Variants in EIF2AK1 observed in about 807,000 individuals in gnomAD.
The protein encoded by EIF2AK1 is eukaryotic translation initiation factor 2-alpha kinase 1.
EIF2AK1 carries 54 observed loss-of-function variants against 77.9 expected under a neutral mutation model. That is an observed-to-expected ratio of 0.69 (90% CI 0.56 to 0.87). EIF2AK1 has a LOEUF of 0.87. Among genes scored for constraint, EIF2AK1 ranks in the 40% least tolerant of loss-of-function variants. The pLI is 0.00. For missense variants in EIF2AK1, 810 were observed against 768.6 expected (o/e 1.05, Z -0.64); for synonymous variants, 314 against 290.5 (o/e 1.08, Z -0.82).
rs1288305386 is a variant in EIF2AK1, at chr7:6,026,711, G to A, written c.1764+17C>T. On this transcript the variant is annotated intron_variant, in intron 14 of 14. Transcript: ENST00000199389. ...AACCACCTTCACTCCAGGACCAAGA[G>A]AAAGAAAAGCACATACATTTCCAGA... is the stretch of plus-strand genomic sequence containing the variant. 2 of 1,603,710 alleles carry A rather than the reference G, an allele frequency of 1.2e-6. No homozygotes were observed. The highest frequency in any genetic ancestry group is 1.7e-6 in the Non-Finnish European group (2 of 1,170,602).
chr7:6,049,618 C>A (rs1037139035), intron 3 of EIF2AK1, among the ~76,000 whole-genome samples: 1 of 147,456 alleles, frequency 6.8e-6, no homozygotes, highest in African/African-American at 2.5e-5. Context: ...TCTCCTTTGC[C>A]TCTCCTCTCT....
At chr7:6,054,469 G>T in intron 2 of EIF2AK1, 77 bp downstream of exon 2, 1 of 1,534,782 alleles carries the variant, frequency 6.5e-7, no homozygotes. Context: ...CTCCCAAAGT[G>T]CTGGGATTAC....
At chr7:6,040,616 G>A (rs1788268190) in intron 9 of EIF2AK1, among the ~76,000 whole-genome samples, 1 of 152,168 alleles carries the variant, frequency 6.6e-6, no homozygotes, top group African/African-American at 2.4e-5. Flanking sequence ...AACACAAACA[G>A]AGTGTGAGTG....
At chr7:6,038,994 G>C (rs989207460) in intron 9 of EIF2AK1, among the ~76,000 whole-genome samples, 6 of 152,144 alleles carry the variant, frequency 3.9e-5, no homozygotes, top group Non-Finnish European at 7.3e-5. Context: ...GGAGAAACTG[G>C]TCCTGAAACT....
chr7:6,053,488 A>C (rs1437752167), intron 2 of EIF2AK1, among the ~76,000 whole-genome samples: 3 of 151,754 alleles, frequency 2.0e-5, no homozygotes, highest in African/African-American at 7.3e-5. Flanking sequence ...CAGCCTCCCA[A>C]ATTACAGCTG....
At chr7:6,041,922 G>A (rs968496424) in intron 8 of EIF2AK1, among the ~76,000 whole-genome samples, 8 of 151,154 alleles carry the variant, frequency 5.3e-5, no homozygotes, top group Non-Finnish European at 1.0e-4. Flanking sequence ...ACCAAGGCGG[G>A]AGGATTGCTT....
rs763322210 is a variant in EIF2AK1 at position 6,041,257 on chromosome 7, G to A, written c.792-38C>T. On this transcript the variant is annotated intron_variant, in intron 8 of 14. Transcript: ENST00000199389. The stretch of plus-strand genomic sequence containing the variant: ...AAAATAGTAAACATAAAAGTCAATG[G>A]GCCGAGCACAGTGGCTCATGCCTGT... 1.9e-6 allele frequency: 3 copies of A among 1,558,062 alleles called. No individual in the cohort carries two copies. In the Admixed American group the frequency reaches 5.8e-5, roughly 30 times the overall value.
At position 6,024,127 on chromosome 7, in the gene EIF2AK1, A is replaced by G. The variant is rs1359146059; in HGVS notation, c.*546T>C. ...GAATGACGCTAAACTGAAGGTGGAGAGAACAGATAAAAAGGTTGGAAGTTG... is the reference window on the plus strand; with the variant it reads ...GAATGACGCTAAACTGAAGGTGGAGGGAACAGATAAAAAGGTTGGAAGTTG... On this transcript the variant is annotated 3_prime_UTR_variant, in exon 15 of 15. Transcript: ENST00000199389. 40 of 1,295,238 alleles carry G rather than the reference A, an allele frequency of 3.1e-5. No homozygotes were observed. Among genetic ancestry groups the G allele is most frequent in the Non-Finnish European group, 3.9e-5 (39 of 993,128 alleles). The allele number at this position is 1,295,238 out of a possible 1,614,324, so 80.2% of individuals were successfully genotyped here.
intron 2 of EIF2AK1, among the ~76,000 whole-genome samples, chr7:6,053,830 G>C (rs1341275565): frequency 9.1e-6 from 1 of 109,892 alleles, no homozygotes; most frequent in Non-Finnish European, 1.9e-5. Context: ...ATTACGCCTG[G>C]GTAGTTTTGC....
chr7:6,023,978 C>G lies in EIF2AK1; in HGVS notation c.*695G>C, dbSNP rs1358529348. Reference sequence around the variant, plus strand: ...AGGGATGTACAGATTGGCTGGGGAGCTGAGTGCTACAATAAAGGAGGAAGT... The same window carrying G: ...AGGGATGTACAGATTGGCTGGGGAGGTGAGTGCTACAATAAAGGAGGAAGT... On this transcript the variant is annotated 3_prime_UTR_variant, in exon 15 of 15. Coordinates refer to ENST00000199389, the MANE Select transcript of EIF2AK1 (RefSeq NM_014413.4). 31 of 1,374,310 alleles carry G rather than the reference C, an allele frequency of 2.3e-5. No homozygotes were observed. Among genetic ancestry groups the G allele is most frequent in the Non-Finnish European group, 3.0e-5 (31 of 1,045,414 alleles). 85.1% of individuals were successfully genotyped at this position (1,374,310 alleles called of 1,614,324 possible).
At chr7:6,042,105 T>C (rs991744363) in intron 8 of EIF2AK1, among the ~76,000 whole-genome samples, 22 of 151,918 alleles carry the variant, frequency 1.4e-4, no homozygotes, top group Non-Finnish European at 3.1e-4. Context: ...GCTGTGATCA[T>C]ACCACTGCAC....
chr7:6,050,974 T>G (rs1013395121), intron 2 of EIF2AK1, among the ~76,000 whole-genome samples: 13 of 151,958 alleles, frequency 8.6e-5, no homozygotes, highest in Middle Eastern at 3.2e-3. Flanking sequence ...AAGCCATTTC[T>G]AAAAAAAGGG....
intron 11 of EIF2AK1, among the ~76,000 whole-genome samples, chr7:6,029,449 T>C (rs1270855931): frequency 2.0e-5 from 3 of 151,004 alleles, no homozygotes; most frequent in Non-Finnish European, 1.5e-5. Flanking sequence ...ACCAAGATTG[T>C]GGCATTGCAC....
chr7:6,049,945 G>A lies in EIF2AK1; in HGVS notation c.378C>T (p.His126=), dbSNP rs769124809. 1.2e-6 allele frequency: 2 copies of A among 1,612,598 alleles called. No homozygotes were observed. Among genetic ancestry groups the A allele is most frequent in the East Asian group, 2.2e-5 (1 of 44,802 alleles). The change falls in exon 3 of 15, where the codon CAC becomes CAT. Residue 126 remains histidine, a synonymous_variant. Transcript: ENST00000199389. ...LRLHHNRAIT[H]LMRSAKERVR... Reference sequence around the variant, plus strand: ...CTCTCTCTTTAGCAGACCTCATTAAGTGAGTAATAGCTCTGTTGTGATGTA... The same window carrying A: ...CTCTCTCTTTAGCAGACCTCATTAAATGAGTAATAGCTCTGTTGTGATGTA...
At chr7:6,040,135 C>A (rs1429714295) in intron 9 of EIF2AK1, among the ~76,000 whole-genome samples, 3 of 151,900 alleles carry the variant, frequency 2.0e-5, no homozygotes, top group Admixed American at 2.0e-4. Context: ...GGCTGGAGTA[C>A]GGTGCCTCCC....
chr7:6,057,116 GA>G (rs1361510812), intron 1 of EIF2AK1, among the ~76,000 whole-genome samples: 1 of 142,830 alleles, frequency 7.0e-6, no homozygotes, highest in East Asian at 2.1e-4. Context: ...AACAAAAGGA[GA>G]CCCCATCTCT....
At chr7:6,025,197 C>G (rs1308195054) in intron 14 of EIF2AK1, among the ~76,000 whole-genome samples, 1 of 152,046 alleles carries the variant, frequency 6.6e-6, no homozygotes, top group Non-Finnish European at 1.5e-5. Context: ...ACCATAAATA[C>G]TAAATAACTA....
chr7:6,043,099 T>C, intron 7 of EIF2AK1, 106 bp from the exon 8 acceptor site: 1 of 1,141,612 alleles, frequency 8.8e-7, no homozygotes. Context: ...ACTACAAGTC[T>C]AAAAATGTCA....
chr7:6,052,711 G>A (rs1788641779), intron 2 of EIF2AK1, among the ~76,000 whole-genome samples: 2 of 150,450 alleles, frequency 1.3e-5, no homozygotes, highest in African/African-American at 2.4e-5. Context: ...ACTCACAGGA[G>A]TGATCAAAGC....
Sources: allele counts gnomAD v4.1 joint callset (sites outside exome capture counted in the v4.1 genomes callset), GRCh38; gene constraint gnomAD v4.1.1; transcripts MANE v1.5; gene names NCBI Gene and HGNC (gene_info 2026-07-23, HGNC 2026-07-21).